The following DOCK4 variants were observed in gnomAD, a reference collection of about 807,000 sequenced individuals.
DOCK4 encodes dedicator of cytokinesis protein 4.
Under a neutral mutation model 268.1 loss-of-function variants are expected in DOCK4, and 97 were observed. That is an observed-to-expected ratio of 0.36 (90% CI 0.31 to 0.43). The LOEUF is 0.43. Among genes scored for constraint, DOCK4 ranks in the 20% least tolerant of loss-of-function variants. DOCK4 has a pLI of 1.00. For synonymous variants in DOCK4, 954 were observed against 887.2 expected (o/e 1.08, Z -1.34); for missense variants, 2,145 against 2,455.7 (o/e 0.87, Z 2.67).
chr7:111,918,457 C>G (rs778703062), intron 12 of DOCK4, among the ~76,000 whole-genome samples: 4 of 152,190 alleles, frequency 2.6e-5, no homozygotes, highest in African/African-American at 4.8e-5. Flanking sequence ...AATAAGCCAT[C>G]TGGATGATTT....
At chr7:112,079,430 T>C (rs1808384136) in intron 1 of DOCK4, among the ~76,000 whole-genome samples, 1 of 152,184 alleles carries the variant, frequency 6.6e-6, no homozygotes, top group Non-Finnish European at 1.5e-5. Flanking sequence ...CTATTGGCAA[T>C]ATAACTTTAG....
chr7:111,958,922 T>C (rs1436396555), intron 8 of DOCK4, among the ~76,000 whole-genome samples: 2 of 152,180 alleles, frequency 1.3e-5, no homozygotes, highest in Non-Finnish European at 2.9e-5. Context: ...ATTATTGACA[T>C]AACAACATCT....
At chr7:111,989,880 C>T (rs1799381478) in intron 5 of DOCK4, among the ~76,000 whole-genome samples, 1 of 152,170 alleles carries the variant, frequency 6.6e-6, no homozygotes, top group African/African-American at 2.4e-5. Flanking sequence ...GTCATCTGTA[C>T]ATGGGCAGCA....
At chr7:112,164,274 A>T (rs1009184201) in intron 1 of DOCK4, among the ~76,000 whole-genome samples, 2 of 152,122 alleles carry the variant, frequency 1.3e-5, no homozygotes, top group Non-Finnish European at 2.9e-5. Flanking sequence ...CTGTCTCTAA[A>T]AAAAGAAAAA....
intron 41 of DOCK4, among the ~76,000 whole-genome samples, chr7:111,756,070 C>T (rs1360541138): frequency 3.9e-5 from 6 of 152,154 alleles, no homozygotes; most frequent in South Asian, 2.1e-4. Context: ...AGGACACAGC[C>T]GGGCACGGTG....
chr7:111,814,845 C>T (rs777499224), intron 27 of DOCK4, among the ~76,000 whole-genome samples: 2 of 152,034 alleles, frequency 1.3e-5, no homozygotes, highest in East Asian at 1.9e-4. Context: ...CAGGGACTTT[C>T]GAAAACATTG....
At chr7:111,905,315 A>C (rs1791472526) in intron 13 of DOCK4, among the ~76,000 whole-genome samples, 2 of 152,184 alleles carry the variant, frequency 1.3e-5, no homozygotes, top group South Asian at 4.1e-4. Flanking sequence ...ATGTTTATTA[A>C]CACCTCATAC....
intron 1 of DOCK4, among the ~76,000 whole-genome samples, chr7:112,185,928 G>A (rs965594523): frequency 1.3e-5 from 2 of 152,210 alleles, no homozygotes; most frequent in Admixed American, 1.3e-4. Flanking sequence ...TTTGGTGGAA[G>A]GACCACCACA....
At chr7:111,914,564 G>C (rs1203434596) in intron 13 of DOCK4, among the ~76,000 whole-genome samples, 5 of 152,074 alleles carry the variant, frequency 3.3e-5, no homozygotes, top group African/African-American at 1.2e-4. Context: ...ACGATTCTAT[G>C]GCTGCAGGAC....
At chr7:111,927,654 T>C (rs1431594399) in intron 12 of DOCK4, among the ~76,000 whole-genome samples, 1 of 152,244 alleles carries the variant, frequency 6.6e-6, no homozygotes, top group Non-Finnish European at 1.5e-5. Context: ...TGTTTGTTTT[T>C]ACTGTAACTA....
chr7:111,977,575 C>A (rs1452964971), intron 7 of DOCK4, among the ~76,000 whole-genome samples: 2 of 152,116 alleles, frequency 1.3e-5, no homozygotes, highest in African/African-American at 4.8e-5. Context: ...AGGAACCTTG[C>A]TTGAAGAATT....
At chr7:111,775,283 T>C (rs770207570) in intron 36 of DOCK4, among the ~76,000 whole-genome samples, 14 of 152,184 alleles carry the variant, frequency 9.2e-5, no homozygotes, top group Non-Finnish European at 1.6e-4. Context: ...ATTCCCTTAC[T>C]CTTTTAAAGT....
chr7:111,806,546 T>G (rs565716947), intron 30 of DOCK4, among the ~76,000 whole-genome samples: 26 of 152,304 alleles, frequency 1.7e-4, no homozygotes, highest in African/African-American at 6.0e-4. Context: ...TGGGAATCTG[T>G]AAGTTGAGTA....
chr7:111,936,198 A>G (rs1300603718), intron 11 of DOCK4, among the ~76,000 whole-genome samples: 1 of 152,236 alleles, frequency 6.6e-6, no homozygotes, highest in African/African-American at 2.4e-5. Flanking sequence ...AATGAAATTG[A>G]CATTAACACA....
chr7:111,771,117 T>C (rs1798098870), intron 36 of DOCK4, among the ~76,000 whole-genome samples: 1 of 152,238 alleles, frequency 6.6e-6, no homozygotes, highest in African/African-American at 2.4e-5. Context: ...AACCAGTCCA[T>C]GACTCTCAGT....
intron 1 of DOCK4, among the ~76,000 whole-genome samples, chr7:112,203,234 G>A (rs902757275): frequency 5.9e-5 from 9 of 152,162 alleles, no homozygotes; most frequent in Middle Eastern, 3.2e-3. Flanking sequence ...CTATCACTGT[G>A]CCTCTTAACA....
At chr7:112,137,240 A>T (rs1814445647) in intron 1 of DOCK4, among the ~76,000 whole-genome samples, 1 of 152,146 alleles carries the variant, frequency 6.6e-6, no homozygotes, top group African/African-American at 2.4e-5. Flanking sequence ...AAGATAATTT[A>T]TTTCACCTTC....
rs142071838 is a variant in DOCK4, at chr7:111,878,973, T to C, written c.1588-1787A>G. On this transcript the variant is annotated intron_variant, in intron 16 of 52. Coordinates refer to ENST00000428084, the MANE Select transcript of DOCK4 (RefSeq NM_001363540.2). The stretch of plus-strand genomic sequence containing the variant: ...CCATGGACAAGGGTAGCATGTGACC[T>C]AGGGAGACACCTGCTGGGGTGAGTA... 2.2e-3 allele frequency among the ~76,000 whole-genome samples: 329 copies of C among 151,990 alleles called. 4 individuals are homozygous for C. Among genetic ancestry groups the C allele is most frequent in the African/African-American group, 7.4e-3 (305 of 41,490 alleles).
chr7:111,869,918 A>T (rs1806272696), intron 20 of DOCK4, among the ~76,000 whole-genome samples: 1 of 152,212 alleles, frequency 6.6e-6, no homozygotes, highest in Non-Finnish European at 1.5e-5. Flanking sequence ...AAATGGGTGA[A>T]CACAAATATT....
Sources: gnomAD v4.1 joint callset for allele counts (sites outside exome capture counted in the v4.1 genomes callset) on GRCh38, gnomAD v4.1.1 for gene constraint, MANE v1.5 for transcripts, NCBI Gene and HGNC (gene_info 2026-07-23, HGNC 2026-07-21) for gene names.